The following RNF130 variants were observed in gnomAD, a reference collection of about 807,000 sequenced individuals.
RNF130 encodes E3 ubiquitin-protein ligase RNF130.
RNF130 carries 21 observed loss-of-function variants against 44.6 expected under a neutral mutation model. The ratio of observed to expected loss-of-function variants is 0.47; its 90% CI spans 0.33 to 0.68. RNF130 has a LOEUF of 0.68. Ranked by LOEUF, RNF130 falls within the 30% of genes least tolerant of loss-of-function variation. The probability of loss-of-function intolerance (pLI) is 0.02; values close to 1 mark genes in which losing one functional copy is unlikely to be tolerated. For missense variants in RNF130, 479 were observed against 560.6 expected (o/e 0.85, Z 1.47); for synonymous variants, 214 against 210.4 (o/e 1.02, Z -0.15).
In RNF130 at chr5:180,024,505, C is replaced by T. The variant is rs374542440; in HGVS notation, c.443-11194G>A. Among the ~76,000 whole-genome samples the T allele has an allele frequency of 6.6e-4, 101 of 151,954 alleles. 1 individual carries two copies. The highest frequency in any genetic ancestry group is 2.3e-3 in the African/African-American group (94 of 41,458). On this transcript the variant is annotated intron_variant, in intron 2 of 8. Coordinates refer to ENST00000521389, the MANE Select transcript of RNF130 (RefSeq NM_018434.6). ...GGAACAACTTCTCATCAGAAAAAAA[C>T]GTAAGCCAGAAAACAACAAACAACA...
intron 3 of RNF130, among the ~76,000 whole-genome samples, chr5:179,993,232 T>A (rs1405280904): frequency 6.6e-6 from 1 of 152,262 alleles, no homozygotes; most frequent in Non-Finnish European, 1.5e-5. Flanking sequence ...TCCTTTGGTA[T>A]ATACCCAGTA....
At chr5:180,044,825 C>G (rs1764519421) in intron 1 of RNF130, among the ~76,000 whole-genome samples, 1 of 151,422 alleles carries the variant, frequency 6.6e-6, no homozygotes, top group African/African-American at 2.4e-5. Context: ...GAAGTAGACT[C>G]CGTCTCAAAA....
intron 7 of RNF130, among the ~76,000 whole-genome samples, chr5:179,937,338 C>T (rs993390210): frequency 3.3e-5 from 5 of 152,078 alleles, no homozygotes; most frequent in African/African-American, 1.2e-4. Flanking sequence ...TATAAAGAAA[C>T]TCTTACAACT....
Position 179,925,772 on chromosome 5 carries a change from A to G in RNF130, c.1151-5346T>C, listed in dbSNP as rs193111542. Among the ~76,000 whole-genome samples, 685 of 152,282 alleles carry G rather than the reference A, an allele frequency of 4.5e-3. 1 individual carries two copies. The highest frequency in any genetic ancestry group is 0.01 in the Admixed American group (153 of 15,298). On this transcript the variant is annotated intron_variant, in intron 7 of 7. Coordinates refer to the RNF130 transcript ENST00000522208. The stretch of plus-strand genomic sequence containing the variant: ...GGTTTCAAATCCCTGGGCTTAAGCC[A>G]TCCTCCCACCTTGGCCTCCTAAAGT...
chr5:179,985,317 A>G (rs867531297), intron 3 of RNF130, among the ~76,000 whole-genome samples: 1 of 152,056 alleles, frequency 6.6e-6, no homozygotes, highest in African/African-American at 2.4e-5. Context: ...AATAATAATG[A>G]CATCTTCAAC....
chr5:179,950,102 A>G (rs866715977), downstream of RNF130, among the ~76,000 whole-genome samples: 27 of 152,190 alleles, frequency 1.8e-4, no homozygotes, highest in Middle Eastern at 0.01. Flanking sequence ...TGATAGCATC[A>G]TGCTTATTAA....
At chr5:179,929,514 A>G (rs1015696729) in intron 7 of RNF130, among the ~76,000 whole-genome samples, 11 of 152,276 alleles carry the variant, frequency 7.2e-5, no homozygotes, top group Admixed American at 5.9e-4. Flanking sequence ...TTAGGAGGCC[A>G]AGGTGGGAGG....
chr5:179,966,200 G>C (rs1424273943), intron 7 of RNF130, among the ~76,000 whole-genome samples: 1 of 152,130 alleles, frequency 6.6e-6, no homozygotes, highest in Non-Finnish European at 1.5e-5. Flanking sequence ...ACAGTGCAAT[G>C]TGAAGACGTT....
intron 7 of RNF130, among the ~76,000 whole-genome samples, chr5:179,944,350 A>C (rs1762008142): frequency 6.6e-6 from 1 of 152,234 alleles, no homozygotes; most frequent in Admixed American, 6.5e-5. Context: ...ACAAGTTTTA[A>C]GATTTTCATG....
chr5:179,959,152 T>C (rs1762272592), intron 8 of RNF130, among the ~76,000 whole-genome samples: 1 of 152,138 alleles, frequency 6.6e-6, no homozygotes, highest in African/African-American at 2.4e-5. Context: ...ACTAAGATCT[T>C]GGTAGGCATT....
intron 5 of RNF130, among the ~76,000 whole-genome samples, chr5:179,974,773 G>C (rs1233713305): frequency 1.3e-5 from 2 of 152,256 alleles, no homozygotes; most frequent in African/African-American, 4.8e-5. Flanking sequence ...AGTGGAGACA[G>C]AACACTGGAA....
downstream of RNF130, among the ~76,000 whole-genome samples, chr5:179,954,121 T>C (rs550468907): frequency 8.5e-5 from 13 of 152,304 alleles, no homozygotes; most frequent in East Asian, 7.7e-4. Context: ...TGTGAAGAAA[T>C]TGCAACCCGC....
In RNF130 at chr5:179,977,701, A is replaced by C. The variant is rs574435744; in HGVS notation, c.848+502T>G. Among the ~76,000 whole-genome samples the C allele has an allele frequency of 7.9e-5, 12 of 152,154 alleles. No individual in the cohort carries two copies. Among genetic ancestry groups the C allele is most frequent in the African/African-American group, 2.7e-4 (11 of 41,492 alleles). On this transcript the variant is annotated intron_variant, in intron 5 of 8. Coordinates refer to ENST00000521389, the MANE Select transcript of RNF130 (RefSeq NM_018434.6). The surrounding 1 kb of genome is among the most constrained non-coding windows in gnomAD (Gnocchi z 4.1). ...ACCCCGTCTCTACTAAAAATACAAA[A>C]ATTATCTGGGCATGGTGGTGGGTAC...
At chr5:180,059,710 G>C (rs1042830092) in intron 1 of RNF130, among the ~76,000 whole-genome samples, 1 of 152,154 alleles carries the variant, frequency 6.6e-6, no homozygotes. Flanking sequence ...GACCCATTAG[G>C]GTCCTGCTAA....
intron 2 of RNF130, among the ~76,000 whole-genome samples, chr5:180,018,304 A>AAAAG (rs1763788887): frequency 1.3e-5 from 2 of 151,850 alleles, no homozygotes; most frequent in East Asian, 1.9e-4. Flanking sequence ...CAAAAAAAAA[A>AAAAG]AAAAGAAAAG....
intron 7 of RNF130, chr5:179,920,558 TTAGA>T (rs1761614165): frequency 1.7e-6 from 1 of 586,618 alleles, no homozygotes; most frequent in Non-Finnish European, 3.1e-6. Context: ...GGGGCTCTTA[TTAGA>T]GAGATACAAA....
intron 2 of RNF130, among the ~76,000 whole-genome samples, chr5:180,036,234 C>T (rs980843299): frequency 6.6e-6 from 1 of 152,158 alleles, no homozygotes; most frequent in Admixed American, 6.5e-5. Flanking sequence ...CACATGAAAT[C>T]TATTTTCACT....
chr5:179,956,003 C>A, intron 8 of RNF130: 1 of 228,660 alleles, frequency 4.4e-6, no homozygotes, highest in African/African-American at 2.2e-5. Context: ...GCTGAGGGTG[C>A]TGAAATCTGC....
At chr5:179,985,601 G>T (rs1762936522) in intron 3 of RNF130, among the ~76,000 whole-genome samples, 1 of 152,068 alleles carries the variant, frequency 6.6e-6, no homozygotes, top group African/African-American at 2.4e-5. Flanking sequence ...TAATTTCAGG[G>T]ACAAAGCACT....
Sources: allele counts gnomAD v4.1 joint callset (sites outside exome capture counted in the v4.1 genomes callset), GRCh38; gene constraint gnomAD v4.1.1; non-coding constraint Gnocchi (gnomAD v3.1); transcripts MANE v1.5; gene names NCBI Gene and HGNC (gene_info 2026-07-23, HGNC 2026-07-21).